The following PDE7B variants were observed in gnomAD, a reference collection of about 807,000 sequenced individuals.
PDE7B encodes phosphodiesterase 7B, also known as 3',5'-cyclic-AMP phosphodiesterase 7B.
A neutral mutation model predicts 56.2 loss-of-function variants in PDE7B; 29 were observed. The ratio of observed to expected loss-of-function variants is 0.52; its 90% CI spans 0.38 to 0.70. PDE7B has a LOEUF of 0.70. PDE7B is among the 30% of genes least tolerant of loss of function. The pLI is 0.00. For synonymous variants in PDE7B, 197 were observed against 196.9 expected (o/e 1.00, Z 0.00); for missense variants, 490 against 565.0 (o/e 0.87, Z 1.35).
chr6:135,918,434 T>TA (rs545363490), intron 1 of PDE7B, among the ~76,000 whole-genome samples: 4 of 152,010 alleles, frequency 2.6e-5, no homozygotes, highest in South Asian at 2.1e-4. Context: ...TTTATGAATC[T>TA]AAAAAAAATA....
chr6:135,910,324 C>G (rs1776190564), intron 1 of PDE7B, among the ~76,000 whole-genome samples: 1 of 152,186 alleles, frequency 6.6e-6, no homozygotes, highest in Non-Finnish European at 1.5e-5. Flanking sequence ...CTCTAGAAGC[C>G]AGTATCACAG....
rs1778506859 is a variant in PDE7B, at chr6:136,151,200, C to G, written c.423C>G (p.Thr141=). 1.2e-6 allele frequency: 2 copies of G among 1,611,932 alleles called. No individual in the cohort carries two copies. Among genetic ancestry groups the G allele is most frequent in the East Asian group, 2.2e-5 (1 of 44,836 alleles). The change falls in exon 6 of 13, where the codon ACC becomes ACG. Residue 141 remains threonine, a synonymous_variant. Transcript: ENST00000308191. ...CACTGTTGTGCCACCTCTTCAATAC[C>G]CATGGACTCATTCACCATTTCAAGT... ...LVTLLCHLFN[T]HGLIHHFKLD...
intron 1 of PDE7B, 47 bp downstream of exon 1, chr6:135,852,066 TAG>T: frequency 7.4e-7 from 1 of 1,344,046 alleles, no homozygotes; most frequent in East Asian, 2.3e-5. Flanking sequence ...CTTGAGAGAA[TAG>T]AGTCACAGAG....
chr6:136,125,543 T>C (rs1247496297), intron 3 of PDE7B, among the ~76,000 whole-genome samples: 3 of 152,016 alleles, frequency 2.0e-5, no homozygotes. Context: ...CACTCCAACC[T>C]GGAGACAGGG....
At chr6:136,043,167 G>A (rs957301183) in intron 2 of PDE7B, among the ~76,000 whole-genome samples, 3 of 152,186 alleles carry the variant, frequency 2.0e-5, no homozygotes, top group Admixed American at 6.5e-5. Flanking sequence ...GCTTTTAGCA[G>A]CCTGTTTTCA....
chr6:135,943,107 C>A (rs548409934), intron 1 of PDE7B, among the ~76,000 whole-genome samples: 3 of 152,242 alleles, frequency 2.0e-5, no homozygotes, highest in African/African-American at 7.2e-5. Context: ...ATCCTAAAAA[C>A]TAATATGGGA....
At chr6:135,953,776 G>T (rs1363829636) in intron 2 of PDE7B, among the ~76,000 whole-genome samples, 2 of 152,220 alleles carry the variant, frequency 1.3e-5, no homozygotes, top group East Asian at 3.9e-4. Flanking sequence ...GGTTATGAAA[G>T]AAATATTATT....
At chr6:136,176,553 C>G (rs1372839284) in intron 9 of PDE7B, among the ~76,000 whole-genome samples, 2 of 151,844 alleles carry the variant, frequency 1.3e-5, no homozygotes, top group Admixed American at 1.3e-4. Flanking sequence ...ATTTTTTTCC[C>G]CCACGGAATG....
chr6:136,169,076 G>A (rs1778842046), intron 8 of PDE7B, among the ~76,000 whole-genome samples: 1 of 152,118 alleles, frequency 6.6e-6, no homozygotes, highest in Non-Finnish European at 1.5e-5. Context: ...CTACTCACTA[G>A]CTCTGTGGCC....
chr6:135,953,199 T>C (rs1166517296), intron 2 of PDE7B, among the ~76,000 whole-genome samples: 1 of 149,422 alleles, frequency 6.7e-6, no homozygotes, highest in Non-Finnish European at 1.5e-5. Flanking sequence ...TGTCAGCTAA[T>C]AAAGTTGGGA....
chr6:135,983,347 C>A (rs1775326526), intron 2 of PDE7B, among the ~76,000 whole-genome samples: 1 of 152,176 alleles, frequency 6.6e-6, no homozygotes. Flanking sequence ...TAGCTAAAAT[C>A]ATTCAGGTAA....
intron 7 of PDE7B, 138 bp from the exon 8 acceptor site, chr6:136,155,489 A>C: frequency 2.9e-6 from 2 of 697,892 alleles, no homozygotes; most frequent in Non-Finnish European, 4.8e-6. Flanking sequence ...CACCTCATTT[A>C]ATGCTTCAAA....
At chr6:135,914,843 C>T (rs1477735606) in intron 1 of PDE7B, among the ~76,000 whole-genome samples, 1 of 149,484 alleles carries the variant, frequency 6.7e-6, no homozygotes, top group African/African-American at 2.4e-5. Context: ...GCCTGTAATC[C>T]CAGCACTTTG....
chr6:136,027,714 C>T (rs566383946), intron 2 of PDE7B, among the ~76,000 whole-genome samples: 7 of 152,086 alleles, frequency 4.6e-5, no homozygotes, highest in Non-Finnish European at 8.8e-5. Context: ...CTCCACCTCC[C>T]GGCTTCAAGC....
At chr6:136,047,836 AG>A (rs1249111804) in intron 2 of PDE7B, among the ~76,000 whole-genome samples, 6 of 152,218 alleles carry the variant, frequency 3.9e-5, no homozygotes, top group African/African-American at 1.4e-4. Context: ...GACAGAATAA[AG>A]GATATTATGA....
At chr6:135,993,863 C>T (rs1254224720) in intron 2 of PDE7B, among the ~76,000 whole-genome samples, 1 of 152,154 alleles carries the variant, frequency 6.6e-6, no homozygotes, top group East Asian at 1.9e-4. Flanking sequence ...TTCTTTCCTT[C>T]ACCAGTCAAG....
At chr6:136,119,183 G>A (rs112527057) in intron 3 of PDE7B, among the ~76,000 whole-genome samples, 3,144 of 152,164 alleles carry the variant, frequency 0.021, 78 homozygotes, top group Non-Finnish European at 0.025. Flanking sequence ...ATCGCTGAAA[G>A]AAACAATTTC....
chr6:136,018,881 T>C (rs539517862), intron 2 of PDE7B, among the ~76,000 whole-genome samples: 1 of 152,220 alleles, frequency 6.6e-6, no homozygotes, highest in Admixed American at 6.5e-5. Flanking sequence ...CTCCTAAATA[T>C]GGGCTTAGCC....
intron 1 of PDE7B, among the ~76,000 whole-genome samples, chr6:135,928,465 T>TTATTTATATATATATATTTATATATATA (rs1774232011): frequency 4.0e-5 from 3 of 75,562 alleles, no homozygotes; most frequent in African/African-American, 5.4e-5. Flanking sequence ...ATATATATAT[T>TTATTTATATATATATATTTATATATATA]TATTTATATA....
Sources: allele counts gnomAD v4.1 joint callset (sites outside exome capture counted in the v4.1 genomes callset), GRCh38; gene constraint gnomAD v4.1.1; transcripts MANE v1.5; gene names NCBI Gene and HGNC (gene_info 2026-07-23, HGNC 2026-07-21).